Variants in LRP1B observed in about 807,000 individuals in gnomAD.
LRP1B encodes the protein low-density lipoprotein receptor-related protein 1B.
In LRP1B, 217 loss-of-function variants were observed where a neutral mutation model predicts 556.6. The ratio of observed to expected loss-of-function variants is 0.39; its 90% CI spans 0.35 to 0.44. The LOEUF is 0.44. LRP1B is among the 20% of genes least tolerant of loss of function. The pLI, the probability that LRP1B is intolerant of heterozygous loss-of-function variation, is 1.00. For synonymous variants in LRP1B, 2,047 were observed against 1,865.8 expected, an observed-to-expected ratio of 1.10 and a Z score of -2.50; for missense variants, 5,053 against 5,620.8, an observed-to-expected ratio of 0.90 and a Z score of 3.23.
At chr2:140,639,524 T>A (rs1484558705) in intron 41 of LRP1B, among the ~76,000 whole-genome samples, 1 of 152,166 alleles carries the variant, frequency 6.6e-6, no homozygotes, top group African/African-American at 2.4e-5. Flanking sequence ...TTCGAATAGG[T>A]CAATTAAAAA....
chr2:140,399,340 C>A (rs2105225198), intron 66 of LRP1B, among the ~76,000 whole-genome samples: 1 of 152,226 alleles, frequency 6.6e-6, no homozygotes, highest in African/African-American at 2.4e-5. Context: ...CATCTGGCAT[C>A]ATTTTTTCTC....
rs947388750 is a variant in LRP1B, at chr2:141,473,152, A to G, written c.343+7244T>C. ...TTATGCCTTATAAATCAGTGTTAAG[A>G]AGTCAGATGTCTGCAAAAAAAGCAT... is the stretch of plus-strand genomic sequence containing the variant. On this transcript the variant is annotated intron_variant, in intron 3 of 90. Transcript: ENST00000389484. Among the ~76,000 whole-genome samples the G allele has an allele frequency of 4.4e-5, 6 of 136,812 alleles. No individual in the cohort carries two copies. The East Asian group carries it at 8.3e-4, about 19-fold the overall frequency. 89.8% of individuals were successfully genotyped at this position (136,812 alleles called of 152,430 possible). A position where few individuals can be genotyped will look rare whatever the true frequency, so the allele number is the denominator to read the frequency against.
chr2:140,743,828 C>T (rs1252031543), intron 35 of LRP1B, among the ~76,000 whole-genome samples: 2 of 151,056 alleles, frequency 1.3e-5, no homozygotes, highest in South Asian at 2.1e-4. Flanking sequence ...GGCGTGGTGG[C>T]GGGTGCCTGT....
intron 41 of LRP1B, among the ~76,000 whole-genome samples, chr2:140,604,906 T>A (rs1403439528): frequency 6.6e-6 from 1 of 152,158 alleles, no homozygotes; most frequent in African/African-American, 2.4e-5. Context: ...CCTGTCACCA[T>A]GTAAGATGTG....
intron 41 of LRP1B, among the ~76,000 whole-genome samples, chr2:140,696,669 C>CT (rs934865019): frequency 2.0e-5 from 3 of 152,090 alleles, no homozygotes; most frequent in African/African-American, 7.2e-5. Flanking sequence ...GCTCCACCTG[C>CT]TGTCAGATCA....
At chr2:140,306,541 T>C (rs1684074946) in intron 83 of LRP1B, among the ~76,000 whole-genome samples, 1 of 152,078 alleles carries the variant, frequency 6.6e-6, no homozygotes, top group Non-Finnish European at 1.5e-5. Flanking sequence ...GATTCTTCTC[T>C]CTTTCTATCT....
At chr2:140,378,545 C>T (rs1683336681) in intron 67 of LRP1B, among the ~76,000 whole-genome samples, 1 of 152,110 alleles carries the variant, frequency 6.6e-6, no homozygotes, top group Admixed American at 6.6e-5. Flanking sequence ...AAATGGTCTA[C>T]TGTTTAATAA....
chr2:141,738,462 T>C (rs1372429538), intron 2 of LRP1B, among the ~76,000 whole-genome samples: 1 of 152,086 alleles, frequency 6.6e-6, no homozygotes, highest in East Asian at 1.9e-4. Context: ...TTAGAGTCCC[T>C]GAAAATGGTA....
intron 1 of LRP1B, among the ~76,000 whole-genome samples, chr2:141,880,468 A>G (rs187281656): frequency 3.6e-4 from 55 of 152,186 alleles, no homozygotes; most frequent in Non-Finnish European, 4.4e-5. Context: ...ATATTATCAT[A>G]CAACGAAAAA....
At chr2:142,021,732 T>G (rs957770404) in intron 1 of LRP1B, among the ~76,000 whole-genome samples, 1 of 152,136 alleles carries the variant, frequency 6.6e-6, no homozygotes, top group Admixed American at 6.5e-5. Context: ...ACAGGAAAAG[T>G]AGAATATTTT....
At chr2:141,572,193 C>T (rs1025243636) in intron 2 of LRP1B, among the ~76,000 whole-genome samples, 2 of 152,078 alleles carry the variant, frequency 1.3e-5, no homozygotes, top group Non-Finnish European at 2.9e-5. Flanking sequence ...AATGTCAGGT[C>T]ACCTACAAAG....
At chr2:140,859,152 T>C (rs1692710612) in intron 27 of LRP1B, among the ~76,000 whole-genome samples, 1 of 152,014 alleles carries the variant, frequency 6.6e-6, no homozygotes, top group South Asian at 2.1e-4. Flanking sequence ...TGGAAGCAAA[T>C]AATTTAAGCA....
intron 37 of LRP1B, among the ~76,000 whole-genome samples, chr2:140,708,310 T>G (rs1574265967): frequency 6.6e-6 from 1 of 152,026 alleles, no homozygotes; most frequent in Middle Eastern, 3.4e-3. Flanking sequence ...GTTCTTTCTG[T>G]TTAAGCTTCA....
At chr2:141,104,685 A>G (rs1256221777) in intron 7 of LRP1B, among the ~76,000 whole-genome samples, 1 of 152,092 alleles carries the variant, frequency 6.6e-6, no homozygotes, top group Non-Finnish European at 1.5e-5. Flanking sequence ...TATCTTTAAA[A>G]TTTCTAGAAA....
At chr2:141,797,363 C>G (rs1384635396) in intron 2 of LRP1B, among the ~76,000 whole-genome samples, 1 of 151,290 alleles carries the variant, frequency 6.6e-6, no homozygotes, top group African/African-American at 2.4e-5. Flanking sequence ...CTAACAGTGT[C>G]ATGAGGGAAA....
At chr2:141,588,639 G>A (rs769889002) in intron 2 of LRP1B, among the ~76,000 whole-genome samples, 8 of 152,084 alleles carry the variant, frequency 5.3e-5, no homozygotes, top group Non-Finnish European at 1.2e-4. Context: ...CTCCAAATTC[G>A]TTGCAAGATA....
At chr2:140,956,514 A>G (rs1695877680) in intron 18 of LRP1B, among the ~76,000 whole-genome samples, 1 of 151,748 alleles carries the variant, frequency 6.6e-6, no homozygotes, top group African/African-American at 2.4e-5. Context: ...GGTGCTTTTA[A>G]AGATTACACA....
chr2:141,101,433 T>A (rs116244892), intron 7 of LRP1B, among the ~76,000 whole-genome samples: 2,706 of 152,282 alleles, frequency 0.018, 37 homozygotes, highest in Middle Eastern at 0.031. Context: ...AACATGAAAC[T>A]GTAGTTTTAG....
At chr2:141,763,535 T>A (rs1694631495) in intron 2 of LRP1B, among the ~76,000 whole-genome samples, 1 of 152,168 alleles carries the variant, frequency 6.6e-6, no homozygotes, top group South Asian at 2.1e-4. Context: ...ATTAAATTAA[T>A]GTAGCCTTAA....
Sources: gnomAD v4.1 joint callset for allele counts (sites outside exome capture counted in the v4.1 genomes callset) on GRCh38, gnomAD v4.1.1 for gene constraint, MANE v1.5 for transcripts, NCBI Gene and HGNC (gene_info 2026-07-23, HGNC 2026-07-21) for gene names.